The following TM4SF20 variants were observed in gnomAD, a reference collection of about 807,000 sequenced individuals.
The protein encoded by TM4SF20 is transmembrane 4 L6 family member 20.
Under a neutral mutation model 15.1 loss-of-function variants are expected in TM4SF20, and 13 were observed. The ratio of observed to expected loss-of-function variants is 0.86; its 90% confidence interval spans 0.56 to 1.36. The LOEUF is 1.36. Ranked by LOEUF, TM4SF20 falls within the 40% of genes most tolerant of loss-of-function variation. The pLI is 0.00. For missense variants in TM4SF20, 282 were observed against 268.4 expected, an observed-to-expected ratio of 1.05 and a Z score of -0.35; for synonymous variants, 92 against 96.6, an observed-to-expected ratio of 0.95 and a Z score of 0.28.
chr2:227,363,421 A>C lies in TM4SF20; in HGVS notation c.*303T>G. The stretch of plus-strand genomic sequence containing the variant: ...CTTTTTTGAGACCCTGTCTCAAAAA[A>C]AAAAAAAAAAAGTCCTGTACTTTTA... On this transcript the variant is annotated 3_prime_UTR_variant, in exon 4 of 4. Transcript: ENST00000304568. The C allele has an allele frequency of 4.5e-6, 1 of 224,446 alleles. No individual in the cohort carries two copies. 13.9% of individuals were successfully genotyped at this position (224,446 alleles called of 1,614,324 possible). A position where few individuals can be genotyped will look rare whatever the true frequency, so the allele number is the denominator to read the frequency against.
chr2:227,364,237 T>G (rs530693937), intron 3 of TM4SF20, among the ~76,000 whole-genome samples: 2 of 152,314 alleles, frequency 1.3e-5, no homozygotes, highest in East Asian at 3.9e-4. Context: ...ATGGTACATC[T>G]TCTCTTAGGT....
upstream of TM4SF20, chr2:227,379,425 C>A: frequency 1.1e-5 from 6 of 527,604 alleles, no homozygotes; most frequent in South Asian, 4.3e-5. Flanking sequence ...ATTATGATGA[C>A]TATGATGGGA....
At chr2:227,371,058 T>C (rs760940808) in intron 1 of TM4SF20, 78 bp from the exon 2 acceptor site, 2 of 1,225,008 alleles carry the variant, frequency 1.6e-6, no homozygotes, top group Non-Finnish European at 2.4e-6. Flanking sequence ...CACCTTCCGT[T>C]TACCACCAGT....
intron 1 of TM4SF20, among the ~76,000 whole-genome samples, chr2:227,373,362 C>A (rs2076430311): frequency 6.6e-6 from 1 of 152,190 alleles, no homozygotes; most frequent in Non-Finnish European, 1.5e-5. Context: ...ATATGGCTGC[C>A]TAGCCACCTT....
At chr2:227,371,607 T>A (rs9288623) in intron 1 of TM4SF20, among the ~76,000 whole-genome samples, 3,613 of 152,272 alleles carry the variant, frequency 0.024, 143 homozygotes, top group African/African-American at 0.081. Context: ...AAACTAAAGA[T>A]GTGAGCCATT....
chr2:227,373,840 A>C (rs997594243), intron 1 of TM4SF20, among the ~76,000 whole-genome samples: 6 of 148,896 alleles, frequency 4.0e-5, no homozygotes, highest in Non-Finnish European at 8.9e-5. Context: ...GAGGCAGAGG[A>C]CTCGCTTGAA....
At chr2:227,367,212 A>C (rs1310451665) in intron 2 of TM4SF20, among the ~76,000 whole-genome samples, 1 of 152,142 alleles carries the variant, frequency 6.6e-6, no homozygotes, top group Middle Eastern at 3.2e-3. Flanking sequence ...GGCATTGCCA[A>C]ATATCCTCTT....
chr2:227,376,039 T>C (rs2076448783), intron 1 of TM4SF20, among the ~76,000 whole-genome samples: 1 of 152,234 alleles, frequency 6.6e-6, no homozygotes. Flanking sequence ...ATCACATTTT[T>C]ACTTAGTCAT....
chr2:227,375,790 G>A lies in TM4SF20; in HGVS notation c.183+3296C>T, dbSNP rs567001805. 1.1e-3 allele frequency among the ~76,000 whole-genome samples: 168 copies of A among 152,148 alleles called. 1 individual carries two copies. Among genetic ancestry groups the A allele is most frequent in the African/African-American group, 3.8e-3 (157 of 41,518 alleles). ...AGACATGAGCCACCGTGCCTGGCCA[G>A]CTTTCAACAATTTGTTCTCCATTAA... On this transcript the variant is annotated intron_variant, in intron 1 of 3. Coordinates refer to ENST00000304568, the MANE Select transcript of TM4SF20 (RefSeq NM_024795.4).
chr2:227,366,040 C>A lies in TM4SF20; in HGVS notation c.401+53G>T, dbSNP rs1013183228. 3.2e-6 allele frequency: 5 copies of A among 1,549,452 alleles called. No individual in the cohort carries two copies. In the African/African-American group the frequency reaches 6.9e-5, roughly 21 times the overall value. On this transcript the variant is annotated intron_variant, in intron 3 of 3. Transcript: ENST00000304568. ...TGTTCCAGTACTGCATTAATCTAAT[C>A]AAACTAGTTCAACTGTGTGAGACAG...
rs1302770708 is a variant in TM4SF20, at chr2:227,370,791, G to A, written c.249+124C>T. 23 of 791,100 alleles carry A rather than the reference G, an allele frequency of 2.9e-5. No individual in the cohort carries two copies. In the Admixed American group the frequency reaches 4.1e-4, roughly 14 times the overall value. 49.0% of individuals were successfully genotyped at this position (791,100 alleles called of 1,614,324 possible). A position where few individuals can be genotyped will look rare whatever the true frequency, so the allele number is the denominator to read the frequency against. On this transcript the variant is annotated intron_variant, in intron 2 of 3. Coordinates refer to ENST00000304568, the MANE Select transcript of TM4SF20 (RefSeq NM_024795.4). The stretch of plus-strand genomic sequence containing the variant: ...TAAATAAAAATAGCATGTTTCTAAG[G>A]CTGTGGCTCTGTCAGTGGAGCCCCA...
chr2:227,374,925 C>CAAAAAAAA (rs10680148), intron 1 of TM4SF20, among the ~76,000 whole-genome samples: 1 of 139,246 alleles, frequency 7.2e-6, no homozygotes. Context: ...ACCCTATCTA[C>CAAAAAAAA]AAAAAAAAAA....
chr2:227,369,445 T>A (rs2076409814), intron 2 of TM4SF20, among the ~76,000 whole-genome samples: 6 of 150,900 alleles, frequency 4.0e-5, no homozygotes, highest in Non-Finnish European at 3.0e-5. Context: ...TTTTTTTTTT[T>A]GAGAGAGTCT....
At chr2:227,380,257 G>T (rs1020346354), upstream of TM4SF20, among the ~76,000 whole-genome samples, 2 of 152,228 alleles carry the variant, frequency 1.3e-5, no homozygotes, top group Non-Finnish European at 1.5e-5. Context: ...TTGAACCTGG[G>T]GGGTGGAGGT....
At chr2:227,376,104 A>G (rs779079878) in intron 1 of TM4SF20, among the ~76,000 whole-genome samples, 13 of 152,240 alleles carry the variant, frequency 8.5e-5, no homozygotes, top group Non-Finnish European at 1.3e-4. Context: ...GAAGCCATAA[A>G]ATGAATATAT....
chr2:227,370,416 C>CA (rs1211529356), intron 2 of TM4SF20, among the ~76,000 whole-genome samples: 4 of 152,038 alleles, frequency 2.6e-5, no homozygotes, highest in East Asian at 1.9e-4. Context: ...GTTTGTGGGA[C>CA]AAAAAAACCC....
intron 1 of TM4SF20, 118 bp from the exon 2 acceptor site, chr2:227,371,098 AG>A: frequency 1.1e-6 from 1 of 903,242 alleles, no homozygotes. Context: ...AAGAACAAAA[AG>A]GGAATTTGGC....
Position 227,363,550 on chromosome 2 carries a change from A to C in TM4SF20, c.*174T>G, listed in dbSNP as rs2076373820. The C allele has an allele frequency of 3.0e-6, 2 of 668,016 alleles. No homozygotes were observed. The highest frequency in any genetic ancestry group is 4.9e-6 in the Non-Finnish European group (2 of 404,306). The allele number at this position is 668,016 out of a possible 1,614,324, so 41.4% of individuals were successfully genotyped here. Reference sequence around the variant, plus strand: ...GAATAGTACAACACAAAACTAATTGAAAATTCTCTCCACCTTTCCCAAATC... The same window carrying C: ...GAATAGTACAACACAAAACTAATTGCAAATTCTCTCCACCTTTCCCAAATC... On this transcript the variant is annotated 3_prime_UTR_variant, in exon 4 of 4. Transcript: ENST00000304568.
At position 227,363,569 on chromosome 2, in the gene TM4SF20, C is replaced by T; in HGVS notation, c.*155G>A. On this transcript the variant is annotated 3_prime_UTR_variant, in exon 4 of 4. Coordinates refer to ENST00000304568, the MANE Select transcript of TM4SF20 (RefSeq NM_024795.4). Reference sequence around the variant, plus strand: ...TAATTGAAAATTCTCTCCACCTTTCCCAAATCAACCACTGATATGAGAGTG... The same window carrying T: ...TAATTGAAAATTCTCTCCACCTTTCTCAAATCAACCACTGATATGAGAGTG... 2 of 755,756 alleles carry T rather than the reference C, an allele frequency of 2.6e-6. No homozygotes were observed. The highest frequency in any genetic ancestry group is 2.7e-5 in the East Asian group (1 of 37,014). 46.8% of individuals were successfully genotyped at this position (755,756 alleles called of 1,614,324 possible).
Sources: allele counts gnomAD v4.1 joint callset (sites outside exome capture counted in the v4.1 genomes callset), GRCh38; gene constraint gnomAD v4.1.1; transcripts MANE v1.5; gene names NCBI Gene and HGNC (gene_info 2026-07-23, HGNC 2026-07-21).